SDK1: variants seen among roughly 807,000 people sequenced by gnomAD.
The protein encoded by SDK1 is sidekick cell adhesion molecule 1.
A neutral mutation model predicts 245.5 loss-of-function variants in SDK1; 157 were observed. The observed-to-expected ratio is 0.64, with a 90% CI of 0.56 to 0.73. SDK1 has a LOEUF of 0.73. SDK1 is among the 30% of genes least tolerant of loss of function. SDK1 has a pLI of 0.00. For synonymous variants in SDK1, 1,647 were observed against 1,278.5 expected, an observed-to-expected ratio of 1.29 and a Z score of -6.15; for missense variants, 3,583 against 3,002.3, an observed-to-expected ratio of 1.19 and a Z score of -4.52.
intron 35 of SDK1, among the ~76,000 whole-genome samples, chr7:4,192,135 T>G (rs1783246510): frequency 6.6e-6 from 1 of 152,226 alleles, no homozygotes; most frequent in Admixed American, 6.5e-5. Flanking sequence ...CTCCTCACAG[T>G]TGGCCTTAGT....
chr7:3,973,018 T>A (rs147000402), intron 12 of SDK1, among the ~76,000 whole-genome samples: 3 of 152,304 alleles, frequency 2.0e-5, no homozygotes, highest in African/African-American at 7.2e-5. Context: ...TTTCTGCTAC[T>A]CTGACAGCTC....
chr7:3,961,305 C>G (rs947176901), intron 8 of SDK1, among the ~76,000 whole-genome samples: 82 of 152,134 alleles, frequency 5.4e-4, no homozygotes, highest in African/African-American at 1.9e-3. Context: ...TATTTCCTGA[C>G]TTAATGAAAA....
intron 1 of SDK1, among the ~76,000 whole-genome samples, chr7:3,345,373 G>A (rs1051297934): frequency 1.3e-5 from 2 of 152,196 alleles, no homozygotes; most frequent in Admixed American, 6.5e-5. Context: ...TAATATAAAC[G>A]TAGTATGTCA....
intron 20 of SDK1, among the ~76,000 whole-genome samples, chr7:4,074,914 ATATT>A (rs1356529824): frequency 9.1e-5 from 7 of 77,072 alleles, no homozygotes; most frequent in African/African-American, 5.1e-4. Flanking sequence ...ATATATATAT[ATATT>A]TTTTTTTTTT....
chr7:3,983,039 C>T (rs558350986), intron 13 of SDK1, among the ~76,000 whole-genome samples: 66 of 152,148 alleles, frequency 4.3e-4, no homozygotes, highest in Non-Finnish European at 8.4e-4. Flanking sequence ...TGTAGCTGAA[C>T]TGCTGCAATC....
chr7:3,973,152 C>T (rs950765663), intron 12 of SDK1, among the ~76,000 whole-genome samples: 5 of 152,160 alleles, frequency 3.3e-5, no homozygotes, highest in African/African-American at 4.8e-5. Context: ...CCCAGGGTTG[C>T]TCTGCCCTGA....
At chr7:3,698,573 A>G (rs554865931) in intron 4 of SDK1, among the ~76,000 whole-genome samples, 10 of 152,298 alleles carry the variant, frequency 6.6e-5, no homozygotes, top group African/African-American at 1.9e-4. Flanking sequence ...ATCTCAGCTC[A>G]GGCTGCTATA....
At chr7:3,452,837 C>T (rs1780557462) in intron 1 of SDK1, among the ~76,000 whole-genome samples, 1 of 152,126 alleles carries the variant, frequency 6.6e-6, no homozygotes, top group Non-Finnish European at 1.5e-5. Context: ...CTTCCCATTC[C>T]TGCCTAGGTC....
intron 35 of SDK1, among the ~76,000 whole-genome samples, chr7:4,197,583 G>T (rs1783658211): frequency 6.6e-6 from 1 of 152,232 alleles, no homozygotes; most frequent in African/African-American, 2.4e-5. Flanking sequence ...CTGGGCTCGT[G>T]TGAGGCTGTA....
intron 5 of SDK1, among the ~76,000 whole-genome samples, chr7:3,832,494 T>C (rs991331741): frequency 2.6e-5 from 4 of 152,200 alleles, no homozygotes; most frequent in Non-Finnish European, 5.9e-5. Context: ...TGTAGTTCTT[T>C]ACAATGTGTT....
At chr7:3,746,056 G>A (rs1340702829) in intron 4 of SDK1, among the ~76,000 whole-genome samples, 1 of 152,104 alleles carries the variant, frequency 6.6e-6, no homozygotes, top group Non-Finnish European at 1.5e-5. Context: ...GAGTTGAGAG[G>A]ATTAAAGAAT....
chr7:3,498,591 C>G (rs1294484752), intron 1 of SDK1, among the ~76,000 whole-genome samples: 2 of 152,116 alleles, frequency 1.3e-5, no homozygotes, highest in African/African-American at 4.8e-5. Context: ...TTACTTCTTC[C>G]TTTCTTGGTT....
chr7:3,701,660 A>G (rs1784742626), intron 4 of SDK1, among the ~76,000 whole-genome samples: 1 of 152,182 alleles, frequency 6.6e-6, no homozygotes, highest in African/African-American at 2.4e-5. Flanking sequence ...AAGGAGCTGG[A>G]ATAGGTGAAC....
At chr7:4,150,890 C>T (rs969869186) in intron 30 of SDK1, among the ~76,000 whole-genome samples, 12 of 152,236 alleles carry the variant, frequency 7.9e-5, no homozygotes, top group East Asian at 3.9e-4. Context: ...GGTGGCCGAC[C>T]GGGCGTCTCA....
intron 4 of SDK1, among the ~76,000 whole-genome samples, chr7:3,778,491 C>G (rs1036739525): frequency 6.6e-6 from 1 of 152,178 alleles, no homozygotes; most frequent in African/African-American, 2.4e-5. Context: ...GGCAAATAGA[C>G]CCAGAGAATG....
At chr7:3,969,119 T>G in intron 10 of SDK1, 138 bp from the exon 11 acceptor site, 6 of 707,892 alleles carry the variant, frequency 8.5e-6, no homozygotes, top group Non-Finnish European at 1.3e-5. Context: ...TCCCCCGACG[T>G]GGGGATTGCA....
intron 1 of SDK1, among the ~76,000 whole-genome samples, chr7:3,496,832 G>T (rs1782041053): frequency 6.6e-6 from 1 of 152,134 alleles, no homozygotes; most frequent in Non-Finnish European, 1.5e-5. Flanking sequence ...AATTTCTCCT[G>T]CAGGCTAGAA....
intron 1 of SDK1, among the ~76,000 whole-genome samples, chr7:3,387,122 A>G (rs551703074): frequency 2.8e-4 from 42 of 152,296 alleles, no homozygotes; most frequent in Admixed American, 7.8e-4. Context: ...GTTGGTGTGC[A>G]TGGTGCTAGG....
chr7:4,205,432 C>G (rs1438968572), intron 35 of SDK1, among the ~76,000 whole-genome samples: 1 of 152,176 alleles, frequency 6.6e-6, no homozygotes, highest in Admixed American at 6.5e-5. Context: ...GCTGGGACCT[C>G]AAGTTAACAT....
Sources: gnomAD v4.1 joint callset for allele counts (sites outside exome capture counted in the v4.1 genomes callset) on GRCh38, gnomAD v4.1.1 for gene constraint, MANE v1.5 for transcripts, NCBI Gene and HGNC (gene_info 2026-07-23, HGNC 2026-07-21) for gene names.